The following SLC43A2 variants were observed in gnomAD, a reference collection of about 807,000 sequenced individuals.
SLC43A2 encodes the protein solute carrier family 43 member 2.
In SLC43A2, 38 loss-of-function variants were observed where a neutral mutation model predicts 63.2. The ratio of observed to expected loss-of-function variants is 0.60; its 90% CI spans 0.46 to 0.79. SLC43A2 has a LOEUF of 0.79. Ranked by LOEUF, SLC43A2 falls within the 30% of genes least tolerant of loss-of-function variation. The probability of loss-of-function intolerance (pLI) is 0.00; values close to 1 mark genes in which losing one functional copy is unlikely to be tolerated. For missense variants in SLC43A2, 644 were observed against 756.2 expected (o/e 0.85, Z 1.74); for synonymous variants, 322 against 331.0 (o/e 0.97, Z 0.30).
In SLC43A2 at chr17:1,591,313, A is replaced by C; in HGVS notation, c.887T>G (p.Leu296Arg). The C allele has an allele frequency of 6.2e-7, 1 of 1,608,146 alleles. No homozygotes were observed. Among genetic ancestry groups the C allele is most frequent in the Non-Finnish European group, 8.5e-7 (1 of 1,179,924 alleles). ...VALQEGHKLC[L>R]STVDLEVKCQ... is the part of the protein sequence containing the mutation. ...CTTCACCTCCAGGTCGACGGTGGAC[A>C]GGCACAGCTTGTGGCCCTCCTGCAG... Residue 296 changes from leucine to arginine, a missense_variant, in exon 8 of 14, where the codon CTG becomes CGG. Leu to Arg is a moderately radical substitution (Grantham distance 102, BLOSUM62 -2). Around this residue, in one of 3 missense-constraint regions of SLC43A2, gnomAD observed 528 missense variants for 623.6 expected, o/e 0.85. Coordinates refer to ENST00000301335, the MANE Select transcript of SLC43A2 (RefSeq NM_152346.3).
At position 1,586,013 on chromosome 17, in the gene SLC43A2, G is replaced by C; in HGVS notation, c.1117C>G (p.Leu373Val). 3 of 1,610,770 alleles carry C rather than the reference G, an allele frequency of 1.9e-6. No homozygotes were observed. The highest frequency in any genetic ancestry group is 2.5e-6 in the Non-Finnish European group (3 of 1,178,882). ...YTSIFGVLQL[L>V]CLLTAPVIGY... ...ATGACGGGGGCCGTCAGCAGGCACA[G>C]CAGCTGGAGCACGCCGAAGATGGAG... Residue 373 changes from leucine to valine, a missense_variant, in exon 10 of 14, where the codon CTG becomes GTG. Physicochemically the swap from Leu to Val is conservative, Grantham distance 32. Around this residue, in one of 3 missense-constraint regions of SLC43A2, gnomAD observed 528 missense variants for 623.6 expected, o/e 0.85. Coordinates refer to ENST00000301335, the MANE Select transcript of SLC43A2 (RefSeq NM_152346.3).
rs1426715842 is a variant in SLC43A2 at position 1,606,062 on chromosome 17, G to A, written c.501+7133C>T. Among the ~76,000 whole-genome samples, 2 of 152,304 alleles carry A rather than the reference G, an allele frequency of 1.3e-5. No individual in the cohort carries two copies. Among genetic ancestry groups the A allele is most frequent in the East Asian group, 1.9e-4 (1 of 5,178 alleles). On this transcript the variant is annotated intron_variant, in intron 5 of 13. Transcript: ENST00000301335. This position sits in a 1 kb window ranked among gnomAD's most constrained non-coding sequence, Gnocchi z 4.7. Reference sequence around the variant, plus strand: ...CTGAGCTTCCCCAAGGTACAGGACAGAAAGAGAGGAAGGTGGGGAGGCACA... The same window carrying A: ...CTGAGCTTCCCCAAGGTACAGGACAAAAAGAGAGGAAGGTGGGGAGGCACA...
chr17:1,615,975 A>G (rs1275832803), intron 3 of SLC43A2, among the ~76,000 whole-genome samples: 2 of 145,734 alleles, frequency 1.4e-5, no homozygotes, highest in Non-Finnish European at 3.0e-5. Flanking sequence ...CTGGGGAGGC[A>G]GAGGTTGCCG....
intron 11 of SLC43A2, among the ~76,000 whole-genome samples, chr17:1,582,131 G>A (rs765433386): frequency 1.3e-5 from 2 of 151,698 alleles, no homozygotes; most frequent in African/African-American, 2.4e-5. Context: ...CCAGGCTGGA[G>A]TGCAGTGGCG....
At chr17:1,591,071 C>CGGGGTTGGCGCTGCGGT in intron 8 of SLC43A2, 123 bp from the exon 9 acceptor site, 1 of 1,284,506 alleles carries the variant, frequency 7.8e-7, no homozygotes, top group Non-Finnish European at 1.1e-6. Context: ...GTGAGGGTAA[C>CGGGGTTGGCGCTGCGGT]GGGGTTGGCG....
At chr17:1,627,102 C>T (rs1908725768) in intron 2 of SLC43A2, among the ~76,000 whole-genome samples, 4 of 152,188 alleles carry the variant, frequency 2.6e-5, no homozygotes, top group Admixed American at 2.0e-4. Flanking sequence ...CTTCTCTTCC[C>T]CTTCATCCCC....
At chr17:1,602,274 A>C (rs1906126400) in intron 5 of SLC43A2, among the ~76,000 whole-genome samples, 1 of 152,130 alleles carries the variant, frequency 6.6e-6, no homozygotes, top group African/African-American at 2.4e-5. Flanking sequence ...CCCAAACTGC[A>C]ATGATTACAG....
chr17:1,591,544 G>A, intron 7 of SLC43A2, 22 bp downstream of exon 7: 1 of 1,564,670 alleles, frequency 6.4e-7, no homozygotes, highest in East Asian at 2.4e-5. Flanking sequence ...GGGGCAGGCG[G>A]GACGGGGGCA....
rs760500551 is a variant in SLC43A2 at position 1,591,264 on chromosome 17, G to A, written c.931+5C>T. On this transcript the variant is annotated splice_donor_5th_base_variant and intron_variant, in intron 8 of 13. Transcript: ENST00000301335. Reference sequence around the variant, plus strand: ...CGTCGCCCGGCTGCGGTCTCAGGCGGGTACCTGCGGCATCCGGCTGGCACT... The same window carrying A: ...CGTCGCCCGGCTGCGGTCTCAGGCGAGTACCTGCGGCATCCGGCTGGCACT... 5 of 1,602,500 alleles carry A rather than the reference G, an allele frequency of 3.1e-6. No individual in the cohort carries two copies. The South Asian group carries it at 5.5e-5, about 18-fold the overall frequency.
At chr17:1,624,279 C>T (rs1908449019) in intron 2 of SLC43A2, among the ~76,000 whole-genome samples, 1 of 151,568 alleles carries the variant, frequency 6.6e-6, no homozygotes, top group Non-Finnish European at 1.5e-5. Flanking sequence ...CTCTACAAAA[C>T]ATTTAAAAAT....
In SLC43A2 at chr17:1,578,120, C is replaced by T. The variant is rs1485428261; in HGVS notation, c.1424+130G>A. Reference sequence around the variant, plus strand: ...CCAGCAGAAACCCTGGTACCTGTCCCCTGAAGCAGGAAGATGAGCCCTTCT... The same window carrying T: ...CCAGCAGAAACCCTGGTACCTGTCCTCTGAAGCAGGAAGATGAGCCCTTCT... On this transcript the variant is annotated intron_variant, in intron 12 of 13. Coordinates refer to ENST00000301335, the MANE Select transcript of SLC43A2 (RefSeq NM_152346.3). The surrounding 1 kb of genome is among the most constrained non-coding windows in gnomAD (Gnocchi z 6.5). The T allele has an allele frequency of 8.1e-6, 7 of 867,302 alleles. No homozygotes were observed. The highest frequency in any genetic ancestry group is 1.3e-5 in the Non-Finnish European group (7 of 558,634). 53.7% of individuals were successfully genotyped at this position (867,302 alleles called of 1,614,324 possible).
In SLC43A2 at chr17:1,619,881, G is replaced by A. The variant is rs903343605; in HGVS notation, c.161-3112C>T. On this transcript the variant is annotated intron_variant, in intron 2 of 13. Transcript: ENST00000301335. ...TGGGGACAGTGACTGCACAGGGGCC[G>A]TGGAATAACTGAGGGCTTGGGGGGC... is the stretch of plus-strand genomic sequence containing the variant. 3.3e-5 allele frequency among the ~76,000 whole-genome samples: 5 copies of A among 152,212 alleles called. No homozygotes were observed. In the East Asian group the frequency reaches 5.8e-4, roughly 18 times the overall value.
At chr17:1,588,838 AG>A (rs1165498929) in intron 9 of SLC43A2, among the ~76,000 whole-genome samples, 1 of 152,210 alleles carries the variant, frequency 6.6e-6, no homozygotes, top group African/African-American at 2.4e-5. Context: ...GTCAGCGGCA[AG>A]GCCTGGAGTC....
Position 1,570,875 on chromosome 17 carries a change from C to T in SLC43A2, c.*4729G>A, listed in dbSNP as rs1169025243. The T allele has an allele frequency of 1.3e-5, 2 of 152,302 alleles. No homozygotes were observed. Among genetic ancestry groups the T allele is most frequent in the Non-Finnish European group, 2.9e-5 (2 of 68,108 alleles). 9.4% of individuals were successfully genotyped at this position (152,302 alleles called of 1,614,324 possible). A position where few individuals can be genotyped will look rare whatever the true frequency, so the allele number is the denominator to read the frequency against. ...CTGCACCACGCAGGCATTCTTTCCT[C>T]CCTTTTGCAGATGATGGCACCAAAG... On this transcript the variant is annotated 3_prime_UTR_variant, in exon 14 of 14. Coordinates refer to ENST00000301335, the MANE Select transcript of SLC43A2 (RefSeq NM_152346.3).
intron 11 of SLC43A2, among the ~76,000 whole-genome samples, chr17:1,581,202 C>CCACA (rs376885169): frequency 2.0e-4 from 29 of 148,474 alleles, no homozygotes; most frequent in African/African-American, 4.0e-4. Context: ...TGCCCAGTGC[C>CCACA]CACACACACA....
intron 1 of SLC43A2, 118 bp from the exon 2 acceptor site, chr17:1,628,038 C>T (rs2151087035): frequency 9.4e-7 from 1 of 1,062,556 alleles, no homozygotes; most frequent in Non-Finnish European, 1.2e-6. Flanking sequence ...CCGCGGCGGC[C>T]GGTGCGCGCA....
intron 5 of SLC43A2, among the ~76,000 whole-genome samples, chr17:1,600,678 C>T (rs569414218): frequency 5.3e-5 from 8 of 150,836 alleles, no homozygotes; most frequent in African/African-American, 1.2e-4. Context: ...CTCAGCCTCC[C>T]GAGCAGCTGG....
At chr17:1,625,714 G>C (rs752853325) in intron 2 of SLC43A2, among the ~76,000 whole-genome samples, 1 of 152,180 alleles carries the variant, frequency 6.6e-6, no homozygotes, top group Non-Finnish European at 1.5e-5. Context: ...CGTGGGCTCA[G>C]CATGTTTGCC....
chr17:1,617,016 C>T (rs1037952593), intron 2 of SLC43A2, among the ~76,000 whole-genome samples: 3 of 152,198 alleles, frequency 2.0e-5, no homozygotes, highest in African/African-American at 7.2e-5. Flanking sequence ...CAATAAAGAC[C>T]TCCCCAGAAA....
Sources: allele counts gnomAD v4.1 joint callset (sites outside exome capture counted in the v4.1 genomes callset), GRCh38; gene constraint gnomAD v4.1.1; regional missense constraint gnomAD v4.1.1; non-coding constraint Gnocchi (gnomAD v3.1); transcripts MANE v1.5; gene names NCBI Gene and HGNC (gene_info 2026-07-23, HGNC 2026-07-21).